RNU5B-1: variants seen among roughly 807,000 people sequenced by gnomAD.
RNU5B-1 encodes RNA, U5B small nuclear 1.
exon 1 of RNU5B-1, chr15:65,304,689 C>CA (rs1486227122): frequency 6.6e-6 from 1 of 152,162 alleles, no homozygotes; most frequent in Non-Finnish European, 1.5e-5. Context: ...ACTCTGGTTT[C>CA]TCTTCAGATC....
At chr15:65,304,743 A>G (rs780862648) in exon 1 of RNU5B-1, 11 of 152,214 alleles carry the variant, frequency 7.2e-5, no homozygotes, top group Non-Finnish European at 8.8e-5. Flanking sequence ...GTGGAGAGGA[A>G]CAACTCTGAG....
exon 1 of RNU5B-1, chr15:65,304,715 C>T (rs926973202): frequency 2.0e-5 from 3 of 152,100 alleles, no homozygotes; most frequent in Non-Finnish European, 2.9e-5. Context: ...AATCTTTCGC[C>T]TTTTACTAAA....
chr15:65,304,682 C>T (rs769808324), exon 1 of RNU5B-1: 41 of 152,316 alleles, frequency 2.7e-4, no homozygotes, highest in East Asian at 5.8e-4. Flanking sequence ...CAAGCATACT[C>T]TGGTTTCTCT....
chr15:65,304,695 A>G (rs1297303896), exon 1 of RNU5B-1: 4 of 152,320 alleles, frequency 2.6e-5, no homozygotes, highest in Admixed American at 6.5e-5. Flanking sequence ...GTTTCTCTTC[A>G]GATCGTATAA....
At chr15:65,304,688 T>TA (rs540175552) in exon 1 of RNU5B-1, 14 of 152,240 alleles carry the variant, frequency 9.2e-5, no homozygotes, top group Middle Eastern at 3.2e-3. Flanking sequence ...TACTCTGGTT[T>TA]CTCTTCAGAT....
At chr15:65,304,749 C>T (rs144947414) in exon 1 of RNU5B-1, 61 of 152,146 alleles carry the variant, frequency 4.0e-4, no homozygotes, top group Non-Finnish European at 6.3e-4. Flanking sequence ...AGGAACAACT[C>T]TGAGTCTTAA....
exon 1 of RNU5B-1, chr15:65,304,679 A>G (rs77744677): frequency 1.1e-4 from 16 of 152,218 alleles, no homozygotes; most frequent in East Asian, 1.9e-4. Context: ...TAACAAGCAT[A>G]CTCTGGTTTC....
downstream of RNU5B-1, chr15:65,304,793 A>C (rs113247559): frequency 1.3e-5 from 2 of 149,566 alleles, no homozygotes; most frequent in Admixed American, 6.8e-5. Context: ...CGACAAGGCT[A>C]TATAAAGCTG....
At chr15:65,304,727 A>G (rs958593778) in exon 1 of RNU5B-1, 8 of 152,210 alleles carry the variant, frequency 5.3e-5, no homozygotes, top group Admixed American at 6.5e-5. Context: ...TTTACTAAAG[A>G]TTTCCGTGGA....
At chr15:65,304,763 A>G (rs1340180185) in exon 1 of RNU5B-1, 4 of 152,198 alleles carry the variant, frequency 2.6e-5, no homozygotes, top group East Asian at 1.9e-4. Context: ...GTCTTAAGCT[A>G]ATTTTTTGAG....
exon 1 of RNU5B-1, chr15:65,304,683 T>C (rs1197352238): frequency 6.6e-6 from 1 of 152,236 alleles, no homozygotes; most frequent in Non-Finnish European, 1.5e-5. Context: ...AAGCATACTC[T>C]GGTTTCTCTT....
chr15:65,304,764 A>G (rs1045755017), exon 1 of RNU5B-1: 15 of 152,296 alleles, frequency 9.8e-5, no homozygotes, highest in Admixed American at 2.0e-4. Flanking sequence ...TCTTAAGCTA[A>G]TTTTTTGAGG....
chr15:65,304,787 A>C (rs529483637), exon 1 of RNU5B-1: 1 of 151,140 alleles, frequency 6.6e-6, no homozygotes, highest in African/African-American at 2.4e-5. Context: ...TTGTTCCGAC[A>C]AGGCTATATA....
chr15:65,304,697 A>C (rs186005525), exon 1 of RNU5B-1: 109 of 152,318 alleles, frequency 7.2e-4, no homozygotes, highest in African/African-American at 2.6e-3. Context: ...TTCTCTTCAG[A>C]TCGTATAAAT....
exon 1 of RNU5B-1, chr15:65,304,749 C>G (rs144947414): frequency 4.1e-4 from 63 of 152,264 alleles, no homozygotes; most frequent in African/African-American, 6.7e-4. Flanking sequence ...AGGAACAACT[C>G]TGAGTCTTAA....
chr15:65,304,761 C>A (rs375964019), exon 1 of RNU5B-1: 15 of 152,272 alleles, frequency 9.9e-5, no homozygotes, highest in African/African-American at 3.6e-4. Context: ...GAGTCTTAAG[C>A]TAATTTTTTG....
At chr15:65,304,678 T>C (rs779698802) in exon 1 of RNU5B-1, 11 of 152,334 alleles carry the variant, frequency 7.2e-5, no homozygotes, top group East Asian at 3.9e-4. Context: ...TTAACAAGCA[T>C]ACTCTGGTTT....
chr15:65,304,746 A>AAG (rs2090799418), exon 1 of RNU5B-1: 1 of 152,124 alleles, frequency 6.6e-6, no homozygotes. Context: ...GAGAGGAACA[A>AAG]CTCTGAGTCT....
exon 1 of RNU5B-1, chr15:65,304,736 G>GT (rs1567053116): frequency 6.6e-6 from 1 of 152,274 alleles, no homozygotes; most frequent in East Asian, 1.9e-4. Context: ...GATTTCCGTG[G>GT]AGAGGAACAA....
Sources: allele counts gnomAD v4.1 joint callset, GRCh38; gene constraint gnomAD v4.1.1; transcripts MANE v1.5; gene names NCBI Gene and HGNC (gene_info 2026-07-23, HGNC 2026-07-21).